SEMA3D: variants seen among roughly 807,000 people sequenced by gnomAD.
SEMA3D encodes the protein semaphorin-3D.
SEMA3D carries 84 observed loss-of-function variants against 100.1 expected under a neutral mutation model. The ratio of observed to expected loss-of-function variants is 0.84; its 90% CI spans 0.70 to 1.01. SEMA3D has a LOEUF of 1.01. Among genes scored for constraint, SEMA3D ranks in the 50% least tolerant of loss-of-function variants. The pLI is 0.00. For missense variants in SEMA3D, 875 were observed against 934.1 expected (o/e 0.94, Z 0.82); for synonymous variants, 312 against 320.7 (o/e 0.97, Z 0.29).
intron 15 of SEMA3D, 116 bp downstream of exon 15, chr7:85,018,136 G>T: frequency 1.4e-6 from 1 of 728,586 alleles, no homozygotes; most frequent in Admixed American, 2.3e-5. Flanking sequence ...AACAAATAAT[G>T]TTTTAAATTT....
chr7:85,054,573 AG>A (rs1791255446), intron 9 of SEMA3D, among the ~76,000 whole-genome samples: 1 of 152,150 alleles, frequency 6.6e-6, no homozygotes, highest in Non-Finnish European at 1.5e-5. Context: ...CACTAGGTAA[AG>A]AATGATCTGG....
intron 1 of SEMA3D, among the ~76,000 whole-genome samples, chr7:85,175,736 T>C (rs928068723): frequency 1.3e-5 from 2 of 152,132 alleles, no homozygotes; most frequent in African/African-American, 2.4e-5. Flanking sequence ...ATAATCTGGC[T>C]ACTTTTATAA....
In SEMA3D at chr7:84,998,258, C is replaced by T. The variant is rs1419094933; in HGVS notation, c.*1182G>A. On this transcript the variant is annotated 3_prime_UTR_variant, in exon 19 of 19. Transcript: ENST00000284136. ...TTCACTCAAATATAATCACAAAATC[C>T]AATATACAGGAGAGAATAAAGGCAG... The T allele has an allele frequency of 6.6e-6, 1 of 151,478 alleles. No individual in the cohort carries two copies. Among genetic ancestry groups the T allele is most frequent in the East Asian group, 1.9e-4 (1 of 5,162 alleles). 9.4% of individuals were successfully genotyped at this position (151,478 alleles called of 1,614,324 possible).
chr7:85,155,842 TCAA>T (rs1790579737), intron 1 of SEMA3D, among the ~76,000 whole-genome samples: 2 of 152,142 alleles, frequency 1.3e-5, no homozygotes, highest in Non-Finnish European at 1.5e-5. Flanking sequence ...GGCACCTCAG[TCAA>T]CAACAATTAA....
chr7:85,144,905 A>G (rs989637743), intron 2 of SEMA3D, among the ~76,000 whole-genome samples: 3 of 152,184 alleles, frequency 2.0e-5, no homozygotes, highest in Admixed American at 6.6e-5. Context: ...AGGAGAACAG[A>G]TAAGTTTCAG....
chr7:85,173,471 C>G (rs554439087), intron 1 of SEMA3D, among the ~76,000 whole-genome samples: 8 of 152,066 alleles, frequency 5.3e-5, no homozygotes, highest in Non-Finnish European at 1.2e-4. Context: ...CGTGCCAAAA[C>G]AGATGGGATA....
At chr7:85,103,836 T>A (rs1423912925) in intron 3 of SEMA3D, among the ~76,000 whole-genome samples, 2 of 151,980 alleles carry the variant, frequency 1.3e-5, no homozygotes, top group African/African-American at 4.8e-5. Context: ...AATCATTGCA[T>A]ATTACAAATT....
rs10525654 is a variant in SEMA3D, at chr7:85,056,890, C to CATATATATATATATAT, written c.719-1047_719-1032dup. ...AAATTTATATAGCATACATATACAGCATATATATATATATATATATATATG... is the reference window on the plus strand; with the variant it reads ...AAATTTATATAGCATACATATACAGCATATATATATATATATATATATATATATATATATATATATG... On this transcript the variant is annotated intron_variant, in intron 8 of 18. Coordinates refer to ENST00000284136, the MANE Select transcript of SEMA3D (RefSeq NM_001384900.1). 8.0e-3 allele frequency among the ~76,000 whole-genome samples: 1,101 copies of CATATATATATATATAT among 138,440 alleles called. 8 individuals are homozygous for CATATATATATATATAT. Among genetic ancestry groups the CATATATATATATATAT allele is most frequent in the African/African-American group, 0.014 (527 of 38,090 alleles). The allele number at this position is 138,440 out of a possible 152,430, so 90.8% of individuals were successfully genotyped here. A position where few individuals can be genotyped will look rare whatever the true frequency, so the allele number is the denominator to read the frequency against.
At chr7:85,142,196 A>T in intron 2 of SEMA3D, 2 of 983,968 alleles carry the variant, frequency 2.0e-6, no homozygotes, top group Non-Finnish European at 2.4e-6. Context: ...TTTCTAAATT[A>T]CTCAATTGCT....
Position 85,119,173 on chromosome 7 carries a change from T to C in SEMA3D, c.151+2568A>G, listed in dbSNP as rs1043517490. 9.2e-5 allele frequency among the ~76,000 whole-genome samples: 14 copies of C among 152,190 alleles called. 1 individual carries two copies. The highest frequency in any genetic ancestry group is 3.1e-4 in the African/African-American group (13 of 41,452). On this transcript the variant is annotated intron_variant, in intron 3 of 18. Coordinates refer to ENST00000284136, the MANE Select transcript of SEMA3D (RefSeq NM_001384900.1). The stretch of plus-strand genomic sequence containing the variant: ...TGCTTATACACTGTTTGTGGGAGTG[T>C]AAATTAGTTTAACCATTGTGGAAGA...
intron 1 of SEMA3D, among the ~76,000 whole-genome samples, chr7:85,161,574 G>A (rs1790746706): frequency 6.6e-6 from 1 of 152,086 alleles, no homozygotes; most frequent in East Asian, 1.9e-4. Context: ...GGGGAGAGTT[G>A]CAAGAAGCAG....
chr7:85,236,454 C>T, the SEMA3D span, among the ~76,000 whole-genome samples: 29 of 151,498 alleles, frequency 1.9e-4, no homozygotes, highest in Admixed American at 1.3e-3. Flanking sequence ...ACTACAGGCA[C>T]GAGCCACCAT....
chr7:85,127,730 G>T (rs1278733647), intron 2 of SEMA3D, among the ~76,000 whole-genome samples: 1 of 152,098 alleles, frequency 6.6e-6, no homozygotes, highest in Non-Finnish European at 1.5e-5. Flanking sequence ...AGCAGCAATT[G>T]ATACTTATCA....
chr7:85,217,617 G>C, the SEMA3D span, among the ~76,000 whole-genome samples: 2 of 152,000 alleles, frequency 1.3e-5, no homozygotes, highest in Non-Finnish European at 2.9e-5. Context: ...CAGTAGATAA[G>C]GGCCCTTTTG....
the SEMA3D span, among the ~76,000 whole-genome samples, chr7:85,200,539 G>C: frequency 6.6e-6 from 1 of 152,166 alleles, no homozygotes; most frequent in Non-Finnish European, 1.5e-5. Flanking sequence ...TTCAAGAGGA[G>C]ACTTGGGTGC....
At chr7:85,114,703 G>A (rs766447816) in intron 3 of SEMA3D, among the ~76,000 whole-genome samples, 1 of 152,048 alleles carries the variant, frequency 6.6e-6, no homozygotes, top group Non-Finnish European at 1.5e-5. Context: ...AATATAAGAA[G>A]CATCAAAAGC....
chr7:85,234,974 T>C, the SEMA3D span, among the ~76,000 whole-genome samples: 2 of 152,114 alleles, frequency 1.3e-5, no homozygotes, highest in African/African-American at 4.8e-5. Context: ...TCTTAAGGAA[T>C]TTCTCAGCAG....
At chr7:85,211,377 G>C in the SEMA3D span, among the ~76,000 whole-genome samples, 1 of 151,986 alleles carries the variant, frequency 6.6e-6, no homozygotes, top group Non-Finnish European at 1.5e-5. Context: ...GTATTTTAGA[G>C]AGGACTCAGG....
the SEMA3D span, among the ~76,000 whole-genome samples, chr7:85,207,878 T>C: frequency 6.6e-6 from 1 of 152,042 alleles, no homozygotes; most frequent in Admixed American, 6.6e-5. Context: ...TGGTCATTTA[T>C]TATAGGAAAA....
Sources: allele counts gnomAD v4.1 joint callset (sites outside exome capture counted in the v4.1 genomes callset), GRCh38; gene constraint gnomAD v4.1.1; transcripts MANE v1.5; gene names NCBI Gene and HGNC (gene_info 2026-07-23, HGNC 2026-07-21).